Variants in CAMTA1 observed in about 807,000 individuals in gnomAD.
The protein encoded by CAMTA1 is calmodulin-binding transcription activator 1.
CAMTA1 carries 27 observed loss-of-function variants against 170.9 expected under a neutral mutation model. The observed-to-expected ratio is 0.16, with a 90% CI of 0.12 to 0.22. The LOEUF is 0.22. CAMTA1 is among the 10% of genes least tolerant of loss of function. CAMTA1 has a pLI of 1.00. For missense variants in CAMTA1, 1,619 were observed against 2,217.2 expected, an observed-to-expected ratio of 0.73 and a Z score of 5.42; for synonymous variants, 833 against 891.5, an observed-to-expected ratio of 0.93 and a Z score of 1.17.
Position 7,035,236 on chromosome 1 carries a change from A to G in CAMTA1, c.235-56068A>G, listed in dbSNP as rs1040022981. On this transcript the variant is annotated intron_variant, in intron 3 of 22. Transcript: ENST00000303635. ...ATCAACATGGTAAAACCCCATCTCT[A>G]CTAAATGCAAAAAATAAGCCGGGTG... 3.9e-4 allele frequency among the ~76,000 whole-genome samples: 60 copies of G among 151,918 alleles called. 1 individual carries two copies. Among genetic ancestry groups the G allele is most frequent in the African/African-American group, 1.4e-3 (57 of 41,350 alleles).
At position 7,340,558 on chromosome 1, in the gene CAMTA1, C is replaced by CTCCCTCCCTCCCTCCT. The variant is rs1314077510; in HGVS notation, c.438+90941_438+90942insCCCTCCTTCCCTCCCT. On this transcript the variant is annotated intron_variant, in intron 5 of 22. Coordinates refer to ENST00000303635, the MANE Select transcript of CAMTA1 (RefSeq NM_015215.4). ...GCTGCCTGCCTGCCTGCCTGCCTCC[C>CTCCCTCCCTCCCTCCT]TCCCTCCCTTCCTTCCTTCCATCCT... is the stretch of plus-strand genomic sequence containing the variant. Among the ~76,000 whole-genome samples, 26 of 148,668 alleles carry CTCCCTCCCTCCCTCCT rather than the reference C, an allele frequency of 1.7e-4. No homozygotes were observed. In the East Asian group the frequency reaches 3.6e-3, roughly 21 times the overall value.
intron 6 of CAMTA1, among the ~76,000 whole-genome samples, chr1:7,566,097 A>G (rs1427367074): frequency 6.6e-6 from 1 of 152,206 alleles, no homozygotes; most frequent in African/African-American, 2.4e-5. Flanking sequence ...GTGGCAGGAT[A>G]CAATTCAGCC....
rs150958776 is a variant in CAMTA1 at position 7,435,354 on chromosome 1, A to G, written c.439-32476A>G. 7.2e-5 allele frequency among the ~76,000 whole-genome samples: 11 copies of G among 152,302 alleles called. No individual in the cohort carries two copies. Among genetic ancestry groups the G allele is most frequent in the African/African-American group, 2.6e-4 (11 of 41,588 alleles). On this transcript the variant is annotated intron_variant, in intron 5 of 22. Transcript: ENST00000303635. This position sits in a 1 kb window ranked among gnomAD's most constrained non-coding sequence, Gnocchi z 4.4. ...ACTCAGGCCAGAATCCCATCATTCT[A>G]AAGCCCAGAATCCCAGAACTCCAGA... is the stretch of plus-strand genomic sequence containing the variant.
intron 5 of CAMTA1, among the ~76,000 whole-genome samples, chr1:7,408,221 C>T (rs879260276): frequency 1.5e-4 from 23 of 152,154 alleles, no homozygotes; most frequent in African/African-American, 3.9e-4. Flanking sequence ...GCAAGCCTGG[C>T]GATGGCGGGG....
At chr1:7,103,279 T>A (rs932780162) in intron 4 of CAMTA1, among the ~76,000 whole-genome samples, 1 of 151,460 alleles carries the variant, frequency 6.6e-6, no homozygotes, top group Non-Finnish European at 1.5e-5. Flanking sequence ...CCAATGTAGA[T>A]TCCATTTTAC....
intron 5 of CAMTA1, among the ~76,000 whole-genome samples, chr1:7,462,877 G>A (rs994461587): frequency 2.0e-5 from 3 of 152,154 alleles, no homozygotes; most frequent in Non-Finnish European, 2.9e-5. Context: ...GAAATGACCC[G>A]AGGCAGAGTC....
intron 5 of CAMTA1, among the ~76,000 whole-genome samples, chr1:7,313,205 T>C (rs572867044): frequency 6.6e-6 from 1 of 152,282 alleles, no homozygotes; most frequent in African/African-American, 2.4e-5. Context: ...TGTGAACCTT[T>C]CCCTATCTCC....
chr1:6,892,297 T>G (rs150943732), intron 3 of CAMTA1, among the ~76,000 whole-genome samples: 2 of 152,324 alleles, frequency 1.3e-5, no homozygotes, highest in African/African-American at 4.8e-5. Context: ...CTCATCCTCT[T>G]CCTGACATTG....
intron 4 of CAMTA1, 85 bp downstream of exon 4, chr1:7,091,456 C>T (rs1366299257): frequency 2.0e-5 from 21 of 1,032,040 alleles, no homozygotes; most frequent in South Asian, 1.3e-4. Flanking sequence ...CCAGTGAATT[C>T]ATGGGCAACG....
At chr1:7,318,100 C>T (rs1246049989) in intron 5 of CAMTA1, among the ~76,000 whole-genome samples, 1 of 152,212 alleles carries the variant, frequency 6.6e-6, no homozygotes, top group Non-Finnish European at 1.5e-5. Flanking sequence ...CGTCAGGGCC[C>T]AGTGTGCCAG....
At chr1:7,669,017 T>A (rs2096029707) in intron 9 of CAMTA1, among the ~76,000 whole-genome samples, 1 of 152,138 alleles carries the variant, frequency 6.6e-6, no homozygotes, top group Non-Finnish European at 1.5e-5. Flanking sequence ...GCCCCGCCAC[T>A]TCCACGGAGC....
intron 1 of CAMTA1, among the ~76,000 whole-genome samples, chr1:6,805,584 C>G (rs906955901): frequency 3.9e-5 from 6 of 152,216 alleles, no homozygotes; most frequent in African/African-American, 1.2e-4. Context: ...TGTCTCCCTG[C>G]AGTCTTGCCT....
chr1:6,831,906 C>T (rs1650344912), intron 3 of CAMTA1, among the ~76,000 whole-genome samples: 1 of 146,932 alleles, frequency 6.8e-6, no homozygotes, highest in African/African-American at 2.4e-5. Context: ...AAAAACAAAA[C>T]AAAACTTGAG....
At chr1:6,857,024 A>AG (rs1040680926) in intron 3 of CAMTA1, among the ~76,000 whole-genome samples, 3 of 152,306 alleles carry the variant, frequency 2.0e-5, no homozygotes, top group Non-Finnish European at 4.4e-5. Flanking sequence ...GTCCCTGTGA[A>AG]GGGTTGCCCG....
At chr1:7,474,935 C>T (rs539338946) in intron 6 of CAMTA1, among the ~76,000 whole-genome samples, 2 of 152,164 alleles carry the variant, frequency 1.3e-5, no homozygotes, top group East Asian at 1.9e-4. Flanking sequence ...GCTGTGAGCT[C>T]GGTCATGGAA....
chr1:7,294,550 C>T (rs1018439107), intron 5 of CAMTA1, among the ~76,000 whole-genome samples: 15 of 152,218 alleles, frequency 9.9e-5, no homozygotes, highest in Admixed American at 6.5e-5. Flanking sequence ...GAAAGGGCTG[C>T]TTCAGCCCTA....
chr1:6,906,199 C>T (rs538005058), intron 3 of CAMTA1, among the ~76,000 whole-genome samples: 2 of 115,116 alleles, frequency 1.7e-5, no homozygotes, highest in African/African-American at 6.3e-5. Flanking sequence ...CCCAGGTCCT[C>T]CTCCTCCTGG....
intron 5 of CAMTA1, among the ~76,000 whole-genome samples, chr1:7,364,495 G>GC (rs1304989305): frequency 3.0e-4 from 45 of 151,728 alleles, no homozygotes; most frequent in Admixed American, 3.3e-4. Context: ...TGTCACCCAG[G>GC]CTGAAGTGCA....
In CAMTA1 at chr1:6,831,037, C is replaced by G. The variant is rs200641002; in HGVS notation, c.234+5827C>G. Among the ~76,000 whole-genome samples the G allele has an allele frequency of 1.1e-4, 17 of 152,074 alleles. No individual in the cohort carries two copies. The East Asian group carries it at 3.3e-3, about 30-fold the overall frequency. On this transcript the variant is annotated intron_variant, in intron 3 of 22. Coordinates refer to ENST00000303635, the MANE Select transcript of CAMTA1 (RefSeq NM_015215.4). ...CTTTCACCGTGTTGGCCAGGATGGT[C>G]TCGATCTCCTGACCTCATGATCCGC... is the stretch of plus-strand genomic sequence containing the variant.
Sources: allele counts gnomAD v4.1 joint callset (sites outside exome capture counted in the v4.1 genomes callset), GRCh38; gene constraint gnomAD v4.1.1; non-coding constraint Gnocchi (gnomAD v3.1); transcripts MANE v1.5; gene names NCBI Gene and HGNC (gene_info 2026-07-23, HGNC 2026-07-21).